The following SCIN variants were observed in gnomAD, a reference collection of about 807,000 sequenced individuals.
The protein encoded by SCIN is adseverin.
A neutral mutation model predicts 91.8 loss-of-function variants in SCIN; 91 were observed. The observed-to-expected ratio is 0.99, with a 90% CI of 0.84 to 1.18. SCIN has a LOEUF of 1.18. Ranked by LOEUF, SCIN falls within the 50% of genes most tolerant of loss-of-function variation. The pLI is 0.00. For synonymous variants in SCIN, 367 were observed against 312.6 expected, an observed-to-expected ratio of 1.17 and a Z score of -1.84; for missense variants, 1,087 against 863.9, an observed-to-expected ratio of 1.26 and a Z score of -3.24.
intron 1 of SCIN, 162 bp downstream of exon 1, chr7:12,571,147 C>T: frequency 1.3e-6 from 1 of 746,148 alleles, no homozygotes; most frequent in East Asian, 2.8e-5. Context: ...TTTCTCCCTA[C>T]CGAAGTCAAC....
At chr7:12,584,163 G>A (rs1382497342) in intron 3 of SCIN, among the ~76,000 whole-genome samples, 7 of 152,176 alleles carry the variant, frequency 4.6e-5, no homozygotes, top group Admixed American at 4.6e-4. Flanking sequence ...TTTATTTTGG[G>A]GTGTGTCAGT....
At chr7:12,575,239 CTT>C (rs545984242) in intron 1 of SCIN, among the ~76,000 whole-genome samples, 7 of 136,940 alleles carry the variant, frequency 5.1e-5, no homozygotes, top group African/African-American at 2.7e-5. Context: ...GGAGAGTTTT[CTT>C]TTTTTTTTTT....
At chr7:12,571,132 G>C (rs1002405974) in intron 1 of SCIN, 147 bp downstream of exon 1, 5 of 885,682 alleles carry the variant, frequency 5.6e-6, no homozygotes, top group Non-Finnish European at 8.3e-6. Context: ...TTTGGGGCCG[G>C]CCACTTTCTC....
intron 4 of SCIN, among the ~76,000 whole-genome samples, chr7:12,621,583 A>G (rs896861187): frequency 1.3e-5 from 2 of 151,764 alleles, no homozygotes; most frequent in African/African-American, 4.8e-5. Flanking sequence ...TACAAGCTAT[A>G]CATACTTCTA....
intron 1 of SCIN, among the ~76,000 whole-genome samples, chr7:12,575,656 C>G (rs1782355303): frequency 1.3e-5 from 2 of 151,972 alleles, no homozygotes; most frequent in Admixed American, 1.3e-4. Flanking sequence ...GTACACAAGT[C>G]TAACATAATA....
rs1274811278 is a variant in SCIN, at chr7:12,571,117, T to TGCCCTTTGGGGCC, written c.199+134_199+146dup. ...CTAGCCACTCGCGCCCCCACGGGGC[T>TGCCCTTTGGGGCC]GCCCTTTGGGGCCGGCCACTTTCTC... On this transcript the variant is annotated intron_variant, in intron 1 of 15. Coordinates refer to ENST00000297029, the MANE Select transcript of SCIN (RefSeq NM_001112706.3). 4.5e-4 allele frequency: 464 copies of TGCCCTTTGGGGCC among 1,042,582 alleles called. 4 individuals are homozygous for TGCCCTTTGGGGCC. In the African/African-American group the frequency reaches 6.8e-3, roughly 15 times the overall value. 64.6% of individuals were successfully genotyped at this position (1,042,582 alleles called of 1,614,324 possible). A position where few individuals can be genotyped will look rare whatever the true frequency, so the allele number is the denominator to read the frequency against.
intron 13 of SCIN, among the ~76,000 whole-genome samples, chr7:12,647,949 C>T (rs370006664): frequency 4.0e-4 from 61 of 152,220 alleles, no homozygotes; most frequent in African/African-American, 1.4e-3. Context: ...ACATGGCCAA[C>T]GCCCCAGTCA....
chr7:12,619,090 G>A (rs982987513), intron 4 of SCIN, among the ~76,000 whole-genome samples: 1 of 152,092 alleles, frequency 6.6e-6, no homozygotes, highest in Admixed American at 6.6e-5. Context: ...CTCTCTCAGA[G>A]TTCTGCTGGG....
intron 4 of SCIN, among the ~76,000 whole-genome samples, chr7:12,621,401 T>C (rs1342070734): frequency 6.6e-6 from 1 of 152,106 alleles, no homozygotes; most frequent in African/African-American, 2.4e-5. Context: ...AATATGGGAA[T>C]TGTGGTCTGA....
At chr7:12,639,646 T>G (rs936544935) in intron 10 of SCIN, among the ~76,000 whole-genome samples, 4 of 152,218 alleles carry the variant, frequency 2.6e-5, no homozygotes, top group Non-Finnish European at 4.4e-5. Flanking sequence ...TTTCCCTTTT[T>G]TTTTCAATTT....
intron 4 of SCIN, among the ~76,000 whole-genome samples, chr7:12,605,050 G>GT (rs1783047119): frequency 1.3e-5 from 2 of 151,876 alleles, no homozygotes; most frequent in African/African-American, 4.8e-5. Flanking sequence ...CTTGTTTTTT[G>GT]TTTTTTTGTT....
At chr7:12,632,416 C>T (rs1289631882) in intron 9 of SCIN, among the ~76,000 whole-genome samples, 1 of 152,106 alleles carries the variant, frequency 6.6e-6, no homozygotes, top group East Asian at 1.9e-4. Context: ...CAGGCATGAG[C>T]CACTGCACCT....
chr7:12,577,580 G>T (rs1165293304), intron 1 of SCIN: 8 of 456,434 alleles, frequency 1.8e-5, no homozygotes, highest in African/African-American at 6.0e-5. Context: ...GCCGGGCATG[G>T]TGGCTCATAC....
At chr7:12,582,482 T>A (rs897095044) in intron 3 of SCIN, among the ~76,000 whole-genome samples, 1 of 152,212 alleles carries the variant, frequency 6.6e-6, no homozygotes, top group Non-Finnish European at 1.5e-5. Flanking sequence ...TTACTACTTA[T>A]ACATAATCCA....
At position 12,659,494 on chromosome 7, in the gene SCIN, G is replaced by C. The variant is rs1562643329; in HGVS notation, c.*6779G>C. The stretch of plus-strand genomic sequence containing the variant: ...AGTCTTCCAAACATGTGCCATTTTG[G>C]CATGGATATCTAAAGCCACCATGAT... On this transcript the variant is annotated 3_prime_UTR_variant, in exon 16 of 16. Transcript: ENST00000297029. 6.6e-6 allele frequency: 1 copy of C among 152,172 alleles called. No homozygotes were observed. The highest frequency in any genetic ancestry group is 1.5e-5 in the Non-Finnish European group (1 of 68,034). The allele number at this position is 152,172 out of a possible 1,614,324, so 9.4% of individuals were successfully genotyped here.
At chr7:12,618,631 G>T (rs781044193) in intron 4 of SCIN, among the ~76,000 whole-genome samples, 21 of 152,070 alleles carry the variant, frequency 1.4e-4, no homozygotes, top group Admixed American at 2.0e-4. Flanking sequence ...TTATATCTCT[G>T]TGGATCTTCC....
chr7:12,588,844 G>GGGGT (rs1782652626), intron 3 of SCIN: 1 of 102,252 alleles, frequency 9.8e-6, no homozygotes, highest in African/African-American at 3.8e-5. Context: ...TGGGAAGGGG[G>GGGGT]AGGGGTTCTG....
Position 12,610,144 on chromosome 7 carries a change from T to C in SCIN, c.666+5481T>C, listed in dbSNP as rs539171620. Among the ~76,000 whole-genome samples, 4 of 152,336 alleles carry C rather than the reference T, an allele frequency of 2.6e-5. No homozygotes were observed. The East Asian group carries it at 7.7e-4, about 29-fold the overall frequency. On this transcript the variant is annotated intron_variant, in intron 4 of 15. Transcript: ENST00000297029. ...TTTTAGACTTTATGATGTTAGCATA[T>C]AGTCTAGATTAAACTCCAAAGGTTC...
At chr7:12,595,267 G>C (rs1375147658) in intron 3 of SCIN, among the ~76,000 whole-genome samples, 2 of 152,166 alleles carry the variant, frequency 1.3e-5, no homozygotes, top group African/African-American at 4.8e-5. Flanking sequence ...TTGTTTGTGA[G>C]TTAACTTTAC....
Sources: allele counts gnomAD v4.1 joint callset (sites outside exome capture counted in the v4.1 genomes callset), GRCh38; gene constraint gnomAD v4.1.1; transcripts MANE v1.5; gene names NCBI Gene and HGNC (gene_info 2026-07-23, HGNC 2026-07-21).